The following EYA1 variants were observed in gnomAD, a reference collection of about 807,000 sequenced individuals.
EYA1 encodes the protein protein phosphatase EYA1.
EYA1 carries 16 observed loss-of-function variants against 82.0 expected under a neutral mutation model. The ratio of observed to expected loss-of-function variants is 0.20; its 90% CI spans 0.13 to 0.30. The LOEUF is 0.30. Among genes scored for constraint, EYA1 ranks in the 10% least tolerant of loss-of-function variants. The probability of loss-of-function intolerance (pLI) is 1.00; values close to 1 mark genes in which losing one functional copy is unlikely to be tolerated. For missense variants in EYA1, 633 were observed against 730.7 expected, an observed-to-expected ratio of 0.87 and a Z score of 1.54; for synonymous variants, 261 against 264.4, an observed-to-expected ratio of 0.99 and a Z score of 0.12.
intron 4 of EYA1, among the ~76,000 whole-genome samples, chr8:71,330,877 A>G (rs574783258): frequency 2.4e-3 from 330 of 136,514 alleles, no homozygotes; most frequent in Non-Finnish European, 4.5e-3. Flanking sequence ...GTGTGTGTGT[A>G]TGCATACGCA....
chr8:71,256,345 T>C (rs528308470), intron 11 of EYA1, among the ~76,000 whole-genome samples: 4 of 152,294 alleles, frequency 2.6e-5, no homozygotes, highest in African/African-American at 7.2e-5. Context: ...AAATGTGGCA[T>C]ATACATACAA....
intron 2 of EYA1, among the ~76,000 whole-genome samples, chr8:71,505,222 GT>G (rs1812110841): frequency 6.6e-6 from 1 of 152,186 alleles, no homozygotes; most frequent in Non-Finnish European, 1.5e-5. Context: ...GATGAATGCA[GT>G]GGTTCTCAAT....
chr8:71,411,628 A>G (rs1356257358), intron 2 of EYA1, among the ~76,000 whole-genome samples: 1 of 151,866 alleles, frequency 6.6e-6, no homozygotes, highest in Non-Finnish European at 1.5e-5. Flanking sequence ...ACATGAAAAA[A>G]TGCTCATCAT....
At chr8:71,352,264 G>A (rs1826379499) in intron 3 of EYA1, among the ~76,000 whole-genome samples, 1 of 152,128 alleles carries the variant, frequency 6.6e-6, no homozygotes, top group Non-Finnish European at 1.5e-5. Flanking sequence ...TCCTCTAGTG[G>A]TGACAGAGAG....
intron 2 of EYA1, among the ~76,000 whole-genome samples, chr8:71,480,326 T>G (rs1433408396): frequency 6.6e-6 from 1 of 152,214 alleles, no homozygotes; most frequent in East Asian, 1.9e-4. Context: ...GATGTGTATA[T>G]GACATGAGAT....
At chr8:71,301,298 T>C (rs961250083) in intron 7 of EYA1, among the ~76,000 whole-genome samples, 2 of 152,206 alleles carry the variant, frequency 1.3e-5, no homozygotes, top group African/African-American at 4.8e-5. Context: ...ATAATTTCCT[T>C]ATCTGCAAAA....
At chr8:71,536,861 T>C (rs1320866242) in intron 1 of EYA1, among the ~76,000 whole-genome samples, 1 of 152,226 alleles carries the variant, frequency 6.6e-6, no homozygotes, top group Non-Finnish European at 1.5e-5. Flanking sequence ...AGGTTCTGAC[T>C]CTGCCACTAA....
At position 71,362,009 on chromosome 8, in the gene EYA1, G is replaced by T. The variant is rs889153240; in HGVS notation, c.-417C>A. The T allele has an allele frequency of 1.0e-6, 1 of 985,350 alleles. No individual in the cohort carries two copies. The highest frequency in any genetic ancestry group is 1.7e-5 in the African/African-American group (1 of 57,224). 61.0% of individuals were successfully genotyped at this position (985,350 alleles called of 1,614,324 possible). ...CCATCAGCTCCCACCGTTCTGTTTG[G>T]TAACAGCTTTGCGCCCAGCGCTCCT... On this transcript the variant is annotated 5_prime_UTR_variant, in exon 1 of 18. Coordinates refer to ENST00000340726, the MANE Select transcript of EYA1 (RefSeq NM_000503.6).
At chr8:71,521,219 C>A (rs930899152) in intron 2 of EYA1, among the ~76,000 whole-genome samples, 2 of 151,860 alleles carry the variant, frequency 1.3e-5, no homozygotes, top group African/African-American at 2.4e-5. Flanking sequence ...ATAGCATCAA[C>A]AAATACTGAG....
At chr8:71,234,918 C>G (rs1811649298) in intron 12 of EYA1, among the ~76,000 whole-genome samples, 1 of 152,102 alleles carries the variant, frequency 6.6e-6, no homozygotes, top group Non-Finnish European at 1.5e-5. Flanking sequence ...TCCCCAGCCA[C>G]CCCCCAAACA....
rs80116471 is a variant in EYA1 at position 71,445,202 on chromosome 8, A to G, written c.34-88691T>C. 4.3e-3 allele frequency among the ~76,000 whole-genome samples: 657 copies of G among 152,292 alleles called. 5 individuals are homozygous for G. The highest frequency in any genetic ancestry group is 0.015 in the African/African-American group (635 of 41,572). On this transcript the variant is annotated intron_variant, in intron 2 of 18. Coordinates refer to the EYA1 transcript ENST00000643681. ...TGTTAAAAATTTACCTTCGTCATCCATCCTCATTCTTTTTAAAACTCCCAT... is the reference window on the plus strand; with the variant it reads ...TGTTAAAAATTTACCTTCGTCATCCGTCCTCATTCTTTTTAAAACTCCCAT...
intron 3 of EYA1, 50 bp downstream of exon 3, chr8:71,354,732 C>T: frequency 1.3e-6 from 2 of 1,584,288 alleles, no homozygotes; most frequent in East Asian, 2.3e-5. Flanking sequence ...AAAGCATATA[C>T]TGATGAAGAA....
intron 2 of EYA1, among the ~76,000 whole-genome samples, chr8:71,477,285 T>C (rs1809737493): frequency 6.6e-6 from 1 of 152,098 alleles, no homozygotes; most frequent in Admixed American, 6.6e-5. Context: ...AAAGACAAGC[T>C]ACAGAATACA....
At chr8:71,488,513 C>A (rs1047112269) in intron 2 of EYA1, among the ~76,000 whole-genome samples, 1 of 152,156 alleles carries the variant, frequency 6.6e-6, no homozygotes, top group Non-Finnish European at 1.5e-5. Flanking sequence ...TTTATATATG[C>A]ATCCCACTTA....
intron 2 of EYA1, among the ~76,000 whole-genome samples, chr8:71,402,947 T>A (rs929840518): frequency 2.6e-5 from 4 of 152,186 alleles, no homozygotes; most frequent in African/African-American, 9.7e-5. Flanking sequence ...CAATTCCAGA[T>A]GAATTAACTT....
At chr8:71,462,762 G>T (rs1022679844) in intron 2 of EYA1, among the ~76,000 whole-genome samples, 1 of 152,218 alleles carries the variant, frequency 6.6e-6, no homozygotes, top group Non-Finnish European at 1.5e-5. Flanking sequence ...CCTAGGGGCA[G>T]GTCCTGCCCA....
At chr8:71,542,447 T>G (rs1815213608) in intron 1 of EYA1, among the ~76,000 whole-genome samples, 1 of 152,246 alleles carries the variant, frequency 6.6e-6, no homozygotes, top group Non-Finnish European at 1.5e-5. Context: ...TCACATTTTC[T>G]TTATCCAGTC....
chr8:71,388,574 G>C (rs941032317), intron 2 of EYA1, among the ~76,000 whole-genome samples: 1 of 152,144 alleles, frequency 6.6e-6, no homozygotes, highest in African/African-American at 2.4e-5. Flanking sequence ...ATCATTTCCA[G>C]GTAGCTTCGA....
In EYA1 at chr8:71,299,505, A is replaced by G. The variant is rs1441594984; in HGVS notation, c.639+133T>C. The stretch of plus-strand genomic sequence containing the variant: ...AAACAACTCACCACAAAAGACTGCT[A>G]AAGTGAATTTTAAAAGAAAACTACT... On this transcript the variant is annotated intron_variant, in intron 8 of 17. Transcript: ENST00000340726. 4.1e-6 allele frequency: 3 copies of G among 728,954 alleles called. No homozygotes were observed. In the Admixed American group the frequency reaches 6.8e-5, roughly 16 times the overall value. The allele number at this position is 728,954 out of a possible 1,614,324, so 45.2% of individuals were successfully genotyped here.
Sources: gnomAD v4.1 joint callset for allele counts (sites outside exome capture counted in the v4.1 genomes callset) on GRCh38, gnomAD v4.1.1 for gene constraint, MANE v1.5 for transcripts, NCBI Gene and HGNC (gene_info 2026-07-23, HGNC 2026-07-21) for gene names.